The following ASB3 variants were observed in gnomAD, a reference collection of about 807,000 sequenced individuals.
ASB3 encodes ankyrin repeat and SOCS box containing 3.
In ASB3, 41 loss-of-function variants were observed where a neutral mutation model predicts 54.5. The observed-to-expected ratio is 0.75, with a 90% CI of 0.59 to 0.98. The LOEUF (loss-of-function observed/expected upper bound fraction) is 0.98, where lower values mean the gene tolerates loss of function less well. Among genes scored for constraint, ASB3 ranks in the 50% least tolerant of loss-of-function variants. The probability of loss-of-function intolerance (pLI) is 0.00; values close to 1 mark genes in which losing one functional copy is unlikely to be tolerated. For missense variants in ASB3, 733 were observed against 620.0 expected, an observed-to-expected ratio of 1.18 and a Z score of -1.94; for synonymous variants, 266 against 221.2, an observed-to-expected ratio of 1.20 and a Z score of -1.80.
At position 53,743,164 on chromosome 2, in the gene ASB3, C is replaced by CT. The variant is rs60857484; in HGVS notation, c.355+7618dup. 4.0e-3 allele frequency among the ~76,000 whole-genome samples: 474 copies of CT among 117,822 alleles called. 4 individuals are homozygous for CT. Among genetic ancestry groups the CT allele is most frequent in the East Asian group, 0.03 (131 of 4,418 alleles). The allele number at this position is 117,822 out of a possible 152,430, so 77.3% of individuals were successfully genotyped here. ...AATTTAAGTGATTCAATTTTTTTAC[C>CT]TTTTTTTTTTTTTTTTTTGCAGAGA... On this transcript the variant is annotated intron_variant, in intron 3 of 9. Transcript: ENST00000263634.
intron 2 of ASB3, chr2:53,763,544 A>T (rs1673267810): frequency 5.9e-6 from 1 of 169,356 alleles, no homozygotes; most frequent in Non-Finnish European, 1.5e-5. Context: ...CTTGAGGAGC[A>T]TCCATGAATT....
intron 1 of ASB3, chr2:53,771,818 A>G (rs1033757828): frequency 1.0e-5 from 8 of 767,504 alleles, no homozygotes; most frequent in Admixed American, 4.5e-5. Flanking sequence ...ATATAATTCA[A>G]ATATTCCATG....
chr2:53,701,219 C>T (rs1669474445), intron 7 of ASB3, among the ~76,000 whole-genome samples: 1 of 152,134 alleles, frequency 6.6e-6, no homozygotes, highest in Non-Finnish European at 1.5e-5. Context: ...AATGAATCCT[C>T]CCGCTTTGGT....
At position 53,716,631 on chromosome 2, in the gene ASB3, A is replaced by T; in HGVS notation, c.717T>A (p.Asp239Glu). The T allele has an allele frequency of 6.2e-7, 1 of 1,614,218 alleles. No homozygotes were observed. The highest frequency in any genetic ancestry group is 8.5e-7 in the Non-Finnish European group (1 of 1,180,018). The part of the protein sequence containing the change: ...ELLLSSGADP[D>E]LYCNEDSWQL... ...GCCAACTGTCCTCATTACAGTAAAG[A>T]TCAGGATCTGCCCCACTGGAGAGCA... Residue 239 changes from aspartate (D) to glutamate (E), a missense_variant, in exon 6 of 10, where the codon GAT becomes GAA. Coordinates refer to ENST00000263634, the MANE Select transcript of ASB3 (RefSeq NM_016115.5).
At chr2:53,775,590 C>T in intron 1 of ASB3, among the ~76,000 whole-genome samples, 1 of 152,220 alleles carries the variant, frequency 6.6e-6, no homozygotes, top group East Asian at 1.9e-4. Context: ...ATTCTCCTGC[C>T]TCAGCCTCCC....
chr2:53,708,274 C>T (rs1283664964), intron 7 of ASB3, among the ~76,000 whole-genome samples: 1 of 152,150 alleles, frequency 6.6e-6, no homozygotes, highest in African/African-American at 2.4e-5. Flanking sequence ...CTGCTCCTGC[C>T]ATGTAAGAAG....
intron 2 of ASB3, 108 bp from the exon 3 acceptor site, chr2:53,751,049 T>C: frequency 1.6e-6 from 2 of 1,273,898 alleles, no homozygotes; most frequent in Non-Finnish European, 2.0e-6. Flanking sequence ...ATGTAAGTAA[T>C]GTATAAATGA....
At chr2:53,698,024 T>A (rs558633260) in intron 8 of ASB3, among the ~76,000 whole-genome samples, 14 of 152,312 alleles carry the variant, frequency 9.2e-5, no homozygotes, top group Non-Finnish European at 1.9e-4. Context: ...GCTCTAACCC[T>A]ATATTTCTAC....
intron 7 of ASB3, 102 bp downstream of exon 7, chr2:53,714,282 C>T: frequency 2.8e-6 from 4 of 1,419,644 alleles, no homozygotes; most frequent in South Asian, 1.4e-5. Flanking sequence ...CAATTTAGCA[C>T]TAACAGAGAT....
intron 7 of ASB3, among the ~76,000 whole-genome samples, chr2:53,713,902 G>C (rs1205851354): frequency 6.6e-6 from 1 of 151,656 alleles, no homozygotes; most frequent in Non-Finnish European, 1.5e-5. Context: ...CACAGAGTGA[G>C]ACCCTGTCTC....
intron 9 of ASB3, among the ~76,000 whole-genome samples, chr2:53,685,550 C>G (rs1017486232): frequency 2.0e-5 from 3 of 152,262 alleles, no homozygotes; most frequent in African/African-American, 7.2e-5. Context: ...ACCTCCTAAC[C>G]TTCCCTGCTA....
At chr2:53,683,403 C>T (rs2103677551) in intron 9 of ASB3, among the ~76,000 whole-genome samples, 1 of 150,832 alleles carries the variant, frequency 6.6e-6, no homozygotes, top group South Asian at 2.1e-4. Flanking sequence ...ATCAGGGATA[C>T]TGGCCTGTAG....
chr2:53,685,892 A>G (rs148075131), intron 9 of ASB3, among the ~76,000 whole-genome samples: 11 of 152,322 alleles, frequency 7.2e-5, no homozygotes, highest in East Asian at 1.9e-4. Context: ...AAATTCCACA[A>G]TCTCCAATAG....
chr2:53,719,522 G>T (rs1341721777), intron 5 of ASB3, among the ~76,000 whole-genome samples: 1 of 151,882 alleles, frequency 6.6e-6, no homozygotes, highest in Non-Finnish European at 1.5e-5. Context: ...CCCTGCTCTG[G>T]CTGGGAAGAT....
At chr2:53,687,513 A>T (rs1456550750) in intron 9 of ASB3, among the ~76,000 whole-genome samples, 1 of 152,240 alleles carries the variant, frequency 6.6e-6, no homozygotes, top group Non-Finnish European at 1.5e-5. Context: ...AGAGGAAATG[A>T]ATCTAGAGTT....
chr2:53,687,544 G>C (rs1012978649), intron 9 of ASB3, among the ~76,000 whole-genome samples: 5 of 152,256 alleles, frequency 3.3e-5, no homozygotes, highest in South Asian at 2.1e-4. Context: ...GTGAAGAATG[G>C]GCTCTGATTC....
rs755592241 is a variant in ASB3 at position 53,693,994 on chromosome 2, T to C, written c.1259A>G (p.Asp420Gly). 52 of 1,613,228 alleles carry C rather than the reference T, an allele frequency of 3.2e-5. No homozygotes were observed. The East Asian group carries it at 1.1e-3, about 35-fold the overall frequency. ...CNSWIDSVSI[D>G]TLIFTLEFTN... ...AAACTCCAAAGTGAAGATAAGGGTG[T>C]CAATGCTGACTGAGTCAATCCTATG... Residue 420 changes from aspartate to glycine, a missense_variant, in exon 9 of 10, where the codon GAC (aspartate) becomes GGC (glycine). By Grantham distance (94) the Asp-to-Gly change is moderately conservative (BLOSUM62 -1). Coordinates refer to ENST00000263634, the MANE Select transcript of ASB3 (RefSeq NM_016115.5).
chr2:53,767,572 G>A (rs534928891), intron 1 of ASB3: 3 of 267,816 alleles, frequency 1.1e-5, no homozygotes, highest in African/African-American at 6.5e-5. Context: ...AAAAAGCATT[G>A]TGGGTATTGT....
chr2:53,726,354 G>A (rs1185416795), intron 5 of ASB3, among the ~76,000 whole-genome samples: 1 of 150,154 alleles, frequency 6.7e-6, no homozygotes, highest in African/African-American at 2.5e-5. Context: ...TCTACCTCCT[G>A]GGTTTAAGCA....
Sources: gnomAD v4.1 joint callset for allele counts (sites outside exome capture counted in the v4.1 genomes callset) on GRCh38, gnomAD v4.1.1 for gene constraint, MANE v1.5 for transcripts, NCBI Gene and HGNC (gene_info 2026-07-23, HGNC 2026-07-21) for gene names.